MYO5C: variants seen among roughly 807,000 people sequenced by gnomAD.
MYO5C encodes unconventional myosin-Vc.
MYO5C carries 194 observed loss-of-function variants against 235.7 expected under a neutral mutation model. That is an observed-to-expected ratio of 0.82 (90% CI 0.73 to 0.93). The LOEUF is 0.93. Among genes scored for constraint, MYO5C ranks in the 40% least tolerant of loss-of-function variants. MYO5C has a pLI of 0.00. For missense variants in MYO5C, 2,038 were observed against 2,127.2 expected, an observed-to-expected ratio of 0.96 and a Z score of 0.82; for synonymous variants, 707 against 754.8, an observed-to-expected ratio of 0.94 and a Z score of 1.04.
intron 21 of MYO5C, among the ~76,000 whole-genome samples, chr15:52,239,082 G>C (rs1038113334): frequency 1.3e-5 from 2 of 152,128 alleles, no homozygotes; most frequent in Non-Finnish European, 2.9e-5. Context: ...CTCCAGAGTA[G>C]CTGGGATTAC....
At chr15:52,240,956 T>C (rs1162977581) in intron 20 of MYO5C, among the ~76,000 whole-genome samples, 3 of 152,138 alleles carry the variant, frequency 2.0e-5, no homozygotes, top group Non-Finnish European at 4.4e-5. Context: ...CAGGCACCCC[T>C]TATGTTGAAG....
At chr15:52,275,965 C>A (rs2140851700) in intron 4 of MYO5C, among the ~76,000 whole-genome samples, 1 of 152,270 alleles carries the variant, frequency 6.6e-6, no homozygotes. Context: ...CCCTACTCAA[C>A]CTTTCCACTC....
chr15:52,201,112 T>G (rs891766826), intron 38 of MYO5C, among the ~76,000 whole-genome samples: 6 of 152,174 alleles, frequency 3.9e-5, no homozygotes, highest in African/African-American at 1.4e-4. Context: ...AAGAGTATGA[T>G]GCAGACAAAA....
chr15:52,249,732 T>C (rs2036432571), intron 13 of MYO5C, among the ~76,000 whole-genome samples: 1 of 152,194 alleles, frequency 6.6e-6, no homozygotes, highest in Non-Finnish European at 1.5e-5. Context: ...ATACAGAGCT[T>C]TCCTGGTCTG....
At chr15:52,215,405 C>A (rs1339199938) in intron 32 of MYO5C, among the ~76,000 whole-genome samples, 2 of 152,344 alleles carry the variant, frequency 1.3e-5, no homozygotes, top group East Asian at 3.9e-4. Context: ...TCTTCCACAT[C>A]TGAGCATTTG....
At chr15:52,216,339 T>C (rs1340773129) in intron 32 of MYO5C, among the ~76,000 whole-genome samples, 1 of 152,142 alleles carries the variant, frequency 6.6e-6, no homozygotes, top group Admixed American at 6.5e-5. Flanking sequence ...CTCAGCCTCC[T>C]GAGTAGCCAG....
chr15:52,292,035 G>C (rs11070892), intron 1 of MYO5C, among the ~76,000 whole-genome samples: 1 of 151,960 alleles, frequency 6.6e-6, no homozygotes, highest in African/African-American at 2.4e-5. Flanking sequence ...CACCGCACCC[G>C]GCCGCATATT....
At chr15:52,212,739 C>T (rs779471972) in intron 34 of MYO5C, among the ~76,000 whole-genome samples, 7 of 152,188 alleles carry the variant, frequency 4.6e-5, no homozygotes, top group African/African-American at 1.4e-4. Flanking sequence ...TCACATTGCC[C>T]GCAGAGAAAT....
At chr15:52,264,159 A>C in intron 9 of MYO5C, 31 bp downstream of exon 9, 1 of 1,546,322 alleles carries the variant, frequency 6.5e-7, no homozygotes, top group East Asian at 2.2e-5. Context: ...ACCCTTAGAC[A>C]AAGGAAAAGT....
intron 25 of MYO5C, among the ~76,000 whole-genome samples, chr15:52,227,220 A>C (rs1351530106): frequency 3.3e-5 from 4 of 119,652 alleles, no homozygotes; most frequent in Non-Finnish European, 6.7e-5. Context: ...GTTGAGACGG[A>C]GTCTCACTCT....
At chr15:52,261,778 C>T (rs1271253543) in intron 9 of MYO5C, among the ~76,000 whole-genome samples, 1 of 152,240 alleles carries the variant, frequency 6.6e-6, no homozygotes, top group African/African-American at 2.4e-5. Flanking sequence ...CTCCCATTTC[C>T]CTTCAGCCAG....
chr15:52,273,953 C>A (rs1288278720), intron 5 of MYO5C, among the ~76,000 whole-genome samples: 1 of 152,072 alleles, frequency 6.6e-6, no homozygotes. Flanking sequence ...CCCTACTCAA[C>A]CTTTCCACTC....
intron 4 of MYO5C, among the ~76,000 whole-genome samples, chr15:52,277,592 G>A (rs764476835): frequency 3.3e-5 from 5 of 152,168 alleles, no homozygotes; most frequent in African/African-American, 4.8e-5. Context: ...TCTGCCTGAC[G>A]AGCTGTTAGA....
At chr15:52,271,955 C>G in intron 6 of MYO5C, 111 bp from the exon 7 acceptor site, 3 of 598,096 alleles carry the variant, frequency 5.0e-6, no homozygotes, top group Non-Finnish European at 8.5e-6. Context: ...AATTCTCTGT[C>G]TGGGATGTGA....
chr15:52,257,415 C>G (rs977410903), intron 10 of MYO5C, among the ~76,000 whole-genome samples: 1 of 152,220 alleles, frequency 6.6e-6, no homozygotes, highest in African/African-American at 2.4e-5. Flanking sequence ...TGCTACTCAG[C>G]TCCTGCCGGA....
At chr15:52,278,142 G>C in intron 4 of MYO5C, 1 of 351,230 alleles carries the variant, frequency 2.8e-6, no homozygotes, top group Admixed American at 3.8e-5. Flanking sequence ...ACAAAGATAG[G>C]GTGGTGTTTC....
chr15:52,222,717 G>A (rs1425162024), intron 29 of MYO5C, among the ~76,000 whole-genome samples: 1 of 152,098 alleles, frequency 6.6e-6, no homozygotes, highest in Non-Finnish European at 1.5e-5. Flanking sequence ...ATGGGTGATG[G>A]CCACAGCAGT....
chr15:52,217,874 C>T (rs999387325), intron 32 of MYO5C, among the ~76,000 whole-genome samples: 4 of 152,084 alleles, frequency 2.6e-5, no homozygotes, highest in Admixed American at 6.5e-5. Context: ...TCTCAGGTTT[C>T]GAAGGGGCCC....
intron 2 of MYO5C, among the ~76,000 whole-genome samples, chr15:52,280,678 G>A (rs7175663): frequency 0.056 from 8,512 of 152,280 alleles, 467 homozygotes; most frequent in African/African-American, 0.14. Flanking sequence ...CTTTCATCAA[G>A]TGCCACTGTG....
Sources: allele counts gnomAD v4.1 joint callset (sites outside exome capture counted in the v4.1 genomes callset), GRCh38; gene constraint gnomAD v4.1.1; transcripts MANE v1.5; gene names NCBI Gene and HGNC (gene_info 2026-07-23, HGNC 2026-07-21).